Variants in KCTD2 observed in about 807,000 individuals in gnomAD.
The protein encoded by KCTD2 is BTB/POZ domain-containing protein KCTD2.
In KCTD2, 18 loss-of-function variants were observed where a neutral mutation model predicts 27.9. That is an observed-to-expected ratio of 0.64 (90% CI 0.45 to 0.96). KCTD2 has a LOEUF of 0.96. Among genes scored for constraint, KCTD2 ranks in the 40% least tolerant of loss-of-function variants. The pLI is 0.00. For synonymous variants in KCTD2, 175 were observed against 148.4 expected (o/e 1.18, Z -1.30); for missense variants, 280 against 348.0 (o/e 0.80, Z 1.56).
rs1158666357 is a variant in KCTD2 at position 75,049,276 on chromosome 17, C to G, written c.396C>G (p.Leu132=). The G allele has an allele frequency of 1.2e-6, 2 of 1,613,952 alleles. No individual in the cohort carries two copies. Among genetic ancestry groups the G allele is most frequent in the Non-Finnish European group, 1.7e-6 (2 of 1,179,826 alleles). ...ACCCCACCTACTTTGGTCCTATCCT[C>G]AACTACCTCCGCCACGGGAAACTCA... ...DRDPTYFGPI[L]NYLRHGKLII... The change falls in exon 2 of 6, where the codon CTC becomes CTG. Residue 132 remains leucine (L), a synonymous_variant. Coordinates refer to ENST00000322444, the MANE Select transcript of KCTD2 (RefSeq NM_015353.3).
chr17:75,064,914 A>T lies in KCTD2; in HGVS notation c.*1867A>T, dbSNP rs1180120365. 6.6e-6 allele frequency: 1 copy of T among 152,134 alleles called. No homozygotes were observed. Among genetic ancestry groups the T allele is most frequent in the Admixed American group, 6.6e-5 (1 of 15,266 alleles). The allele number at this position is 152,134 out of a possible 1,614,324, so 9.4% of individuals were successfully genotyped here. On this transcript the variant is annotated 3_prime_UTR_variant, in exon 6 of 6. Coordinates refer to ENST00000322444, the MANE Select transcript of KCTD2 (RefSeq NM_015353.3). ...GAGTAACATCAGACTGACAGAGGAA[A>T]AGCAGCTTGGTTTGCGGCCTTGTGC...
At chr17:75,035,601 A>G (rs1173312553) in intron 3 of KCTD2, among the ~76,000 whole-genome samples, 1 of 152,138 alleles carries the variant, frequency 6.6e-6, no homozygotes, top group Non-Finnish European at 1.5e-5. Flanking sequence ...CGGGCGGATC[A>G]CGAGGTCAAA....
At chr17:75,035,542 C>T (rs2040107874) in intron 3 of KCTD2, among the ~76,000 whole-genome samples, 1 of 151,978 alleles carries the variant, frequency 6.6e-6, no homozygotes, top group Non-Finnish European at 1.5e-5. Flanking sequence ...AGTCTCTGGC[C>T]GGGCCCAATG....
In KCTD2 at chr17:75,064,638, A is replaced by C. The variant is rs1368741074; in HGVS notation, c.*1591A>C. 6.6e-6 allele frequency: 1 copy of C among 152,154 alleles called. No homozygotes were observed. Among genetic ancestry groups the C allele is most frequent in the African/African-American group, 2.4e-5 (1 of 41,422 alleles). 9.4% of individuals were successfully genotyped at this position (152,154 alleles called of 1,614,324 possible). On this transcript the variant is annotated 3_prime_UTR_variant, in exon 6 of 6. Transcript: ENST00000322444. Reference sequence around the variant, plus strand: ...TAGCATAGCATAGAACCCGGTATACAGGGGTTTCTGCTGACACATCAACGT... The same window carrying C: ...TAGCATAGCATAGAACCCGGTATACCGGGGTTTCTGCTGACACATCAACGT...
rs1281649201 is a variant in KCTD2 at position 75,053,063 on chromosome 17, G to C, written c.498G>C (p.Leu166=). The stretch of plus-strand genomic sequence containing the variant: ...ACAACATCGCGTCCCTTGTGCGGCT[G>C]GTTAAGGAAAGGATACGGGACAATG... ...EFYNIASLVR[L]VKERIRDNEN... Residue 166 remains leucine, a synonymous_variant, in exon 3 of 6, where the codon CTG becomes CTC. Coordinates refer to ENST00000322444, the MANE Select transcript of KCTD2 (RefSeq NM_015353.3). The C allele has an allele frequency of 2.5e-6, 4 of 1,613,974 alleles. No homozygotes were observed. Among genetic ancestry groups the C allele is most frequent in the Non-Finnish European group, 3.4e-6 (4 of 1,179,994 alleles).
At position 75,047,768 on chromosome 17, in the gene KCTD2, T is replaced by C. The variant is rs188524423; in HGVS notation, c.339+179T>C. Among the ~76,000 whole-genome samples, 262 of 152,064 alleles carry C rather than the reference T, an allele frequency of 1.7e-3. 1 individual carries two copies. The highest frequency in any genetic ancestry group is 5.9e-3 in the African/African-American group (244 of 41,482). On this transcript the variant is annotated intron_variant, in intron 1 of 5. Coordinates refer to ENST00000322444, the MANE Select transcript of KCTD2 (RefSeq NM_015353.3). ...CAGAGGGACCTCCCACTCCCCTTCT[T>C]CCATGCTGAGGCATACTCTGGCTTT...
At chr17:75,038,521 C>A (rs2144907246) in intron 3 of KCTD2, among the ~76,000 whole-genome samples, 1 of 152,322 alleles carries the variant, frequency 6.6e-6, no homozygotes, top group South Asian at 2.1e-4. Flanking sequence ...TTACACCTAG[C>A]CATTTGGACC....
intron 2 of KCTD2, among the ~76,000 whole-genome samples, chr17:75,050,397 G>A (rs1020839959): frequency 6.6e-6 from 1 of 152,084 alleles, no homozygotes; most frequent in Non-Finnish European, 1.5e-5. Flanking sequence ...AAGTAGCTGG[G>A]ATTACAGGCG....
At chr17:75,035,433 C>T (rs573323929) in intron 3 of KCTD2, 4 of 152,236 alleles carry the variant, frequency 2.6e-5, no homozygotes, top group East Asian at 1.9e-4. Context: ...ACATTCGCCT[C>T]GTAAACGTGC....
chr17:75,063,147 G>A lies in KCTD2; in HGVS notation c.*100G>A. The A allele has an allele frequency of 8.8e-7, 1 of 1,131,702 alleles. No individual in the cohort carries two copies. The highest frequency in any genetic ancestry group is 1.3e-6 in the Non-Finnish European group (1 of 750,816). The allele number at this position is 1,131,702 out of a possible 1,614,324, so 70.1% of individuals were successfully genotyped here. ...TGTCCAGTGACCGAGCCACTGCAAA[G>A]CACAGCTGATCCTGGCCCCCTGTGA... On this transcript the variant is annotated 3_prime_UTR_variant, in exon 6 of 6. Coordinates refer to ENST00000322444, the MANE Select transcript of KCTD2 (RefSeq NM_015353.3).
chr17:75,060,461 G>A lies in KCTD2; in HGVS notation c.636+856G>A, dbSNP rs774115424. On this transcript the variant is annotated intron_variant, in intron 4 of 5. Transcript: ENST00000322444. Reference sequence around the variant, plus strand: ...AAGTCCTCTAACATAAGCCTTCCAAGGTGATACTTTCAGAAACCAGGGTTG... The same window carrying A: ...AAGTCCTCTAACATAAGCCTTCCAAAGTGATACTTTCAGAAACCAGGGTTG... 4.4e-4 allele frequency: 714 copies of A among 1,610,974 alleles called. 1 individual carries two copies. Among genetic ancestry groups the A allele is most frequent in the Non-Finnish European group, 5.5e-4 (651 of 1,179,514 alleles).
intron 5 of KCTD2, 119 bp from the exon 6 acceptor site, chr17:75,062,899 G>A: frequency 9.3e-7 from 1 of 1,071,496 alleles, no homozygotes. Context: ...CTGCACCCCT[G>A]CTTGCTTCCT....
chr17:75,041,773 C>G (rs7210415), intron 3 of KCTD2: 92,827 of 156,162 alleles, frequency 0.59, 29,269 homozygotes, highest in African/African-American at 0.8. Context: ...GGCTGAGGCA[C>G]GTGGATTGCT....
At chr17:75,056,952 C>CTTTTTTTTTTTTTTTTTTTTTTTTTTT (rs35875644) in intron 3 of KCTD2, among the ~76,000 whole-genome samples, 2 of 107,994 alleles carry the variant, frequency 1.9e-5, no homozygotes, top group African/African-American at 3.6e-5. Context: ...TTTCTTTTTT[C>CTTTTTTTTTTTTTTTTTTTTTTTTTTT]TTTTTTTTTT....
chr17:75,043,638 G>C (rs2073183458), upstream of KCTD2, among the ~76,000 whole-genome samples: 1 of 148,862 alleles, frequency 6.7e-6, no homozygotes, highest in African/African-American at 2.5e-5. Context: ...ACAAACCCCA[G>C]CTCTCTTTAT....
Position 75,040,207 on chromosome 17 carries a change from A to G in KCTD2, c.-259+4850A>G, listed in dbSNP as rs776874628. 4 of 1,611,058 alleles carry G rather than the reference A, an allele frequency of 2.5e-6. No homozygotes were observed. The Admixed American group carries it at 5.0e-5, about 20-fold the overall frequency. ...GGGAACCTTCAGCGCATTAAACTAC[A>G]AACACAAGGACAGTGAGTCGTCGCC... On this transcript the variant is annotated intron_variant, in intron 3 of 7. Coordinates refer to the KCTD2 transcript ENST00000581589.
At chr17:75,043,870 T>C (rs1214161960), upstream of KCTD2, among the ~76,000 whole-genome samples, 1 of 152,112 alleles carries the variant, frequency 6.6e-6, no homozygotes, top group East Asian at 1.9e-4. Context: ...CCCAGAGGGC[T>C]GCTAAAAGTG....
intron 2 of KCTD2, among the ~76,000 whole-genome samples, chr17:75,051,074 C>T (rs1164669829): frequency 6.7e-6 from 1 of 149,656 alleles, no homozygotes; most frequent in Non-Finnish European, 1.5e-5. Context: ...CCCAGGTTCA[C>T]GTCATTCTCC....
chr17:75,048,579 T>A (rs1227503563), intron 1 of KCTD2, among the ~76,000 whole-genome samples: 1 of 152,214 alleles, frequency 6.6e-6, no homozygotes, highest in East Asian at 1.9e-4. Flanking sequence ...CTACTCTATA[T>A]CCTCCTTGTG....
Sources: gnomAD v4.1 joint callset for allele counts (sites outside exome capture counted in the v4.1 genomes callset) on GRCh38, gnomAD v4.1.1 for gene constraint, MANE v1.5 for transcripts, NCBI Gene and HGNC (gene_info 2026-07-23, HGNC 2026-07-21) for gene names.